The following POU2F2 variants were observed in gnomAD, a reference collection of about 807,000 sequenced individuals.
POU2F2 encodes POU domain, class 2, transcription factor 2.
Under a neutral mutation model 63.5 loss-of-function variants are expected in POU2F2, and 14 were observed. That is an observed-to-expected ratio of 0.22 (90% CI 0.15 to 0.34). The LOEUF (loss-of-function observed/expected upper bound fraction) is 0.34, where lower values mean the gene tolerates loss of function less well. Among genes scored for constraint, POU2F2 ranks in the 10% least tolerant of loss-of-function variants. POU2F2 has a pLI of 1.00. For synonymous variants in POU2F2, 306 were observed against 348.6 expected (o/e 0.88, Z 1.36); for missense variants, 607 against 815.2 (o/e 0.74, Z 3.11).
At chr19:42,147,961 C>A (rs529327250) in intron 2 of POU2F2, among the ~76,000 whole-genome samples, 1 of 152,078 alleles carries the variant, frequency 6.6e-6, no homozygotes, top group Non-Finnish European at 1.5e-5. Flanking sequence ...CAGGAGAAGC[C>A]CCCTTCCCAG....
intron 5 of POU2F2, among the ~76,000 whole-genome samples, chr19:42,106,197 C>T (rs575038790): frequency 6.6e-6 from 1 of 151,958 alleles, no homozygotes; most frequent in East Asian, 1.9e-4. Context: ...CCTCTGCCTC[C>T]CGGGTTCAAG....
chr19:42,099,869 G>A (rs1375993941), intron 5 of POU2F2, 48 bp from the exon 6 acceptor site: 3 of 1,451,798 alleles, frequency 2.1e-6, no homozygotes, highest in Non-Finnish European at 1.9e-6. Flanking sequence ...TCCTGGCTGG[G>A]TTTCATCCTC....
chr19:42,171,312 GT>G (rs2034761033), intron 1 of POU2F2, among the ~76,000 whole-genome samples: 1 of 152,146 alleles, frequency 6.6e-6, no homozygotes, highest in African/African-American at 2.4e-5. Flanking sequence ...GTGTGTATGC[GT>G]GTGTGTCTGT....
At chr19:42,185,840 T>C (rs1459160016) in intron 1 of POU2F2, among the ~76,000 whole-genome samples, 1 of 152,142 alleles carries the variant, frequency 6.6e-6, no homozygotes, top group Non-Finnish European at 1.5e-5. Context: ...AATGCATATA[T>C]AAATCACAAC....
intron 1 of POU2F2, among the ~76,000 whole-genome samples, chr19:42,123,657 C>A (rs2032904593): frequency 6.6e-6 from 1 of 152,130 alleles, no homozygotes; most frequent in African/African-American, 2.4e-5. Flanking sequence ...TACTTCTAAT[C>A]GGATCCACTC....
chr19:42,147,869 G>A (rs2034262989), intron 2 of POU2F2, among the ~76,000 whole-genome samples: 2 of 152,154 alleles, frequency 1.3e-5, no homozygotes, highest in Admixed American at 1.3e-4. Flanking sequence ...CATTTATCAG[G>A]TGACATTGTG....
intron 1 of POU2F2, 52 bp from the exon 2 acceptor site, chr19:42,122,628 G>C: frequency 7.0e-7 from 1 of 1,438,846 alleles, no homozygotes; most frequent in Non-Finnish European, 9.4e-7. Flanking sequence ...ATCCAGGAGG[G>C]CTCTCGGGCC....
intron 1 of POU2F2, among the ~76,000 whole-genome samples, chr19:42,192,037 T>C (rs1599735532): frequency 6.6e-6 from 1 of 152,302 alleles, no homozygotes; most frequent in African/African-American, 2.4e-5. Context: ...AAGTGCTCTG[T>C]AAATGTTCAC....
At chr19:42,127,383 C>T (rs2033302961) in intron 1 of POU2F2, among the ~76,000 whole-genome samples, 1 of 151,460 alleles carries the variant, frequency 6.6e-6, no homozygotes, top group African/African-American at 2.4e-5. Flanking sequence ...GCTCTGTTTT[C>T]TTTTCTTTTT....
rs1406814593 is a variant in POU2F2, at chr19:42,162,445, G to A, written c.-69-2053C>T. 6.6e-6 allele frequency among the ~76,000 whole-genome samples: 1 copy of A among 152,144 alleles called. No homozygotes were observed. Among genetic ancestry groups the A allele is most frequent in the East Asian group, 1.9e-4 (1 of 5,192 alleles). On this transcript the variant is annotated intron_variant, in intron 1 of 6. Coordinates refer to the POU2F2 transcript ENST00000524801. The surrounding 1 kb of genome is among the most constrained non-coding windows in gnomAD (Gnocchi z 4.1). ...TGTCTTCCCCCATTGTACAGATGGG[G>A]ACCCTGAGGAACAGAGAGGGGCAGC...
intron 2 of POU2F2, among the ~76,000 whole-genome samples, chr19:42,139,911 G>A (rs1239664605): frequency 6.6e-6 from 1 of 152,326 alleles, no homozygotes; most frequent in East Asian, 1.9e-4. Context: ...TTATGAGGGA[G>A]AGACCATTAT....
chr19:42,161,866 CT>C (rs1393034367), intron 1 of POU2F2, among the ~76,000 whole-genome samples: 4 of 152,166 alleles, frequency 2.6e-5, no homozygotes, highest in African/African-American at 9.7e-5. Context: ...TAATCAGCGG[CT>C]GTCATCTCCA....
At chr19:42,121,848 G>A (rs1455692034) in intron 4 of POU2F2, among the ~76,000 whole-genome samples, 1 of 152,200 alleles carries the variant, frequency 6.6e-6, no homozygotes, top group Non-Finnish European at 1.5e-5. Context: ...TTGGGTCAGG[G>A]AAGTTGGGAT....
intron 1 of POU2F2, among the ~76,000 whole-genome samples, chr19:42,195,402 G>A (rs2035131752): frequency 7.2e-6 from 1 of 139,198 alleles, no homozygotes; most frequent in Non-Finnish European, 1.5e-5. Flanking sequence ...GCGCAATCTC[G>A]GCTCACGGCA....
intron 5 of POU2F2, among the ~76,000 whole-genome samples, chr19:42,101,314 A>T (rs985854692): frequency 2.0e-5 from 3 of 150,358 alleles, no homozygotes; most frequent in Admixed American, 6.6e-5. Flanking sequence ...CCAGAACCTC[A>T]GAGATTAACC....
intron 5 of POU2F2, among the ~76,000 whole-genome samples, chr19:42,105,515 A>C (rs2077303442): frequency 6.6e-6 from 1 of 151,944 alleles, no homozygotes; most frequent in Non-Finnish European, 1.5e-5. Flanking sequence ...CCCTAGCATG[A>C]CTCTCAATGA....
At chr19:42,195,091 G>GAGGGAGGAAGGAAGGGAGGGAGGA in intron 1 of POU2F2, among the ~76,000 whole-genome samples, 1 of 5,362 alleles carries the variant, frequency 1.9e-4, no homozygotes, top group Admixed American at 2.7e-3. Context: ...GGGAGGAAGG[G>GAGGGAGGAAGGAAGGGAGGGAGGA]AGGAAGGAAG....
At chr19:42,154,677 G>A (rs1891551815) in intron 2 of POU2F2, among the ~76,000 whole-genome samples, 1 of 152,154 alleles carries the variant, frequency 6.6e-6, no homozygotes, top group African/African-American at 2.4e-5. Flanking sequence ...GATAGTGGTG[G>A]AGGGGAGTTG....
At chr19:42,178,855 A>G (rs762108798), upstream of POU2F2, among the ~76,000 whole-genome samples, 3 of 152,190 alleles carry the variant, frequency 2.0e-5, no homozygotes, top group Non-Finnish European at 2.9e-5. Flanking sequence ...GAAAGAAAGC[A>G]AAGACAGAGA....
Sources: gnomAD v4.1 joint callset for allele counts (sites outside exome capture counted in the v4.1 genomes callset) on GRCh38, gnomAD v4.1.1 for gene constraint, Gnocchi (gnomAD v3.1) non-coding constraint, MANE v1.5 for transcripts, NCBI Gene and HGNC (gene_info 2026-07-23, HGNC 2026-07-21) for gene names.